Variants in TYW1 observed in about 807,000 individuals in gnomAD.
TYW1 encodes S-adenosyl-L-methionine-dependent tRNA 4-demethylwyosine synthase TYW1.
A neutral mutation model predicts 96.2 loss-of-function variants in TYW1; 46 were observed. That is an observed-to-expected ratio of 0.48 (90% CI 0.38 to 0.61). TYW1 has a LOEUF of 0.61. Among genes scored for constraint, TYW1 ranks in the 20% least tolerant of loss-of-function variants. TYW1 has a pLI of 0.00. For synonymous variants in TYW1, 274 were observed against 323.0 expected, an observed-to-expected ratio of 0.85 and a Z score of 1.63; for missense variants, 684 against 909.6, an observed-to-expected ratio of 0.75 and a Z score of 3.19.
At chr7:67,018,328 C>T (rs1020745005) in intron 6 of TYW1, among the ~76,000 whole-genome samples, 185 bp downstream of exon 6, 25 of 151,896 alleles carry the variant, frequency 1.6e-4, no homozygotes, top group South Asian at 4.2e-4. Flanking sequence ...TGCTTGAGTC[C>T]GGGAGTTCAA....
chr7:67,040,945 C>G (rs1467898842), intron 7 of TYW1, among the ~76,000 whole-genome samples: 2 of 152,014 alleles, frequency 1.3e-5, no homozygotes, highest in African/African-American at 4.8e-5. Flanking sequence ...CATCTTATGG[C>G]CATTAGAGGG....
chr7:67,042,218 A>G (rs1584494218), intron 7 of TYW1, among the ~76,000 whole-genome samples: 1 of 149,404 alleles, frequency 6.7e-6, no homozygotes, highest in East Asian at 1.9e-4. Flanking sequence ...TTAGAATTAG[A>G]ATATATTAAC....
rs1275351861 is a variant in TYW1 at position 67,154,147 on chromosome 7, C to T, written c.1699-28979C>T. ...CCATGTTAGCCAGGATGGTCTTGAT[C>T]TCCTGACCTCATGATCCACCTGCCT... On this transcript the variant is annotated intron_variant, in intron 13 of 15. Coordinates refer to ENST00000359626, the MANE Select transcript of TYW1 (RefSeq NM_018264.4). Among the ~76,000 whole-genome samples, 3 of 152,094 alleles carry T rather than the reference C, an allele frequency of 2.0e-5. No homozygotes were observed. The East Asian group carries it at 5.8e-4, about 29-fold the overall frequency.
At chr7:67,182,648 C>T (rs772304975) in intron 13 of TYW1, among the ~76,000 whole-genome samples, 26 of 152,270 alleles carry the variant, frequency 1.7e-4, no homozygotes, top group Non-Finnish European at 3.2e-4. Context: ...ATCCATGTGC[C>T]TTTTCTGCCA....
At chr7:67,224,379 G>A (rs2116427338) in intron 15 of TYW1, among the ~76,000 whole-genome samples, 1 of 152,308 alleles carries the variant, frequency 6.6e-6, no homozygotes, top group South Asian at 2.1e-4. Flanking sequence ...CGCCTGCCTT[G>A]GCCTCCCAAA....
intron 11 of TYW1, among the ~76,000 whole-genome samples, chr7:67,092,541 G>A (rs1796755885): frequency 6.6e-6 from 1 of 151,980 alleles, no homozygotes; most frequent in Non-Finnish European, 1.5e-5. Context: ...ACCTCCTCCA[G>A]CTACACTCTC....
chr7:66,996,907 T>A lies in TYW1; in HGVS notation c.-72T>A. ...TAACGCGGCGAGGTAGCTCGGTGCG[T>A]CTCGCGGTACCAGTGCGAATCATCG... is the stretch of plus-strand genomic sequence containing the variant. On this transcript the variant is annotated 5_prime_UTR_variant, in exon 1 of 16. Transcript: ENST00000359626. 1 of 1,610,722 alleles carries A rather than the reference T, an allele frequency of 6.2e-7. No individual in the cohort carries two copies. Among genetic ancestry groups the A allele is most frequent in the Non-Finnish European group, 8.5e-7 (1 of 1,178,654 alleles).
chr7:67,167,415 G>A (rs1437870199), intron 13 of TYW1, among the ~76,000 whole-genome samples: 7 of 138,498 alleles, frequency 5.1e-5, no homozygotes, highest in African/African-American at 1.9e-4. Context: ...GTTGCAGTGA[G>A]CCGAGATTGC....
chr7:67,214,096 T>C (rs1179760466), intron 15 of TYW1, among the ~76,000 whole-genome samples: 2 of 152,182 alleles, frequency 1.3e-5, no homozygotes, highest in East Asian at 1.9e-4. Flanking sequence ...ACAAACCCAT[T>C]TGGGAAAAAC....
intron 15 of TYW1, among the ~76,000 whole-genome samples, chr7:67,207,241 T>C (rs1003931940): frequency 3.9e-5 from 6 of 152,224 alleles, no homozygotes; most frequent in African/African-American, 1.4e-4. Context: ...CTGGTACATA[T>C]CAGATTCTCC....
chr7:67,190,562 A>G (rs986431071), intron 14 of TYW1, among the ~76,000 whole-genome samples: 1 of 152,232 alleles, frequency 6.6e-6, no homozygotes, highest in Admixed American at 6.5e-5. Flanking sequence ...CACTTTAGCC[A>G]GGTGCAGACA....
At chr7:67,118,033 C>G (rs13223029) in intron 13 of TYW1, among the ~76,000 whole-genome samples, 42,108 of 152,074 alleles carry the variant, frequency 0.28, 6,680 homozygotes, top group African/African-American at 0.44. Context: ...TATATAAAAT[C>G]GCATAGGCCA....
At chr7:67,018,368 A>G (rs1446161444) in intron 6 of TYW1, among the ~76,000 whole-genome samples, 2 of 151,632 alleles carry the variant, frequency 1.3e-5, no homozygotes, top group East Asian at 1.9e-4. Context: ...GCAAGACCCT[A>G]TCTTTACCAC....
At chr7:67,146,172 ATAAG>A (rs1307677486) in intron 13 of TYW1, among the ~76,000 whole-genome samples, 3 of 152,178 alleles carry the variant, frequency 2.0e-5, no homozygotes. Context: ...CCTTTGTAAC[ATAAG>A]TAGTTTTCCA....
chr7:67,003,190 T>C (rs1047584743), intron 3 of TYW1, among the ~76,000 whole-genome samples: 1 of 152,224 alleles, frequency 6.6e-6, no homozygotes, highest in African/African-American at 2.4e-5. Context: ...TGCTCAAAAC[T>C]GAACTCCCAA....
At chr7:67,202,310 G>C (rs1800628503) in intron 15 of TYW1, among the ~76,000 whole-genome samples, 1 of 152,172 alleles carries the variant, frequency 6.6e-6, no homozygotes. Context: ...CTCCTGAGCT[G>C]GGTCAGGTGA....
At chr7:67,053,081 CTTTT>C (rs35579526) in intron 8 of TYW1, among the ~76,000 whole-genome samples, 178 of 129,766 alleles carry the variant, frequency 1.4e-3, no homozygotes, top group Middle Eastern at 3.8e-3. Context: ...CAGTTTTAAG[CTTTT>C]TTTTTTTTTT....
intron 9 of TYW1, among the ~76,000 whole-genome samples, chr7:67,059,558 T>C (rs1293414542): frequency 6.7e-6 from 1 of 150,044 alleles, no homozygotes. Flanking sequence ...AGCATTTTTT[T>C]GTATAAGGTC....
intron 7 of TYW1, among the ~76,000 whole-genome samples, chr7:67,049,377 AT>A (rs1476734080): frequency 4.6e-5 from 7 of 152,088 alleles, no homozygotes; most frequent in African/African-American, 1.4e-4. Context: ...TGAATTGTAG[AT>A]TTATGGTTTT....
Sources: allele counts gnomAD v4.1 joint callset (sites outside exome capture counted in the v4.1 genomes callset), GRCh38; gene constraint gnomAD v4.1.1; transcripts MANE v1.5; gene names NCBI Gene and HGNC (gene_info 2026-07-23, HGNC 2026-07-21).